DLG2: variants seen among roughly 807,000 people sequenced by gnomAD.
DLG2 encodes the protein discs large MAGUK scaffold protein 2.
DLG2 carries 45 observed loss-of-function variants against 132.5 expected under a neutral mutation model. The observed-to-expected ratio is 0.34, with a 90% confidence interval of 0.27 to 0.44. The LOEUF is 0.44. DLG2 is among the 20% of genes least tolerant of loss of function. The probability of loss-of-function intolerance (pLI) is 1.00; values close to 1 mark genes in which losing one functional copy is unlikely to be tolerated. For missense variants in DLG2, 1,045 were observed against 1,196.9 expected (o/e 0.87, Z 1.87); for synonymous variants, 424 against 419.6 (o/e 1.01, Z -0.13).
chr11:84,600,761 C>T (rs1012220475), intron 6 of DLG2, among the ~76,000 whole-genome samples: 1 of 151,966 alleles, frequency 6.6e-6, no homozygotes, highest in African/African-American at 2.4e-5. Flanking sequence ...TCTTGGATAA[C>T]AACAGTAAAC....
intron 19 of DLG2, among the ~76,000 whole-genome samples, chr11:83,592,370 C>G (rs2097203120): frequency 6.8e-6 from 1 of 147,694 alleles, no homozygotes; most frequent in Non-Finnish European, 1.5e-5. Flanking sequence ...TTTGACAAAC[C>G]TGAGAAAAAC....
rs142633692 is a variant in DLG2, at chr11:84,252,880, G to C, written c.520-1589C>G. ...GGTTTTGGAAAGTGCTCAAATTTTGGGGTATTTCATTAGCTGTGCCCTCTG... is the reference window on the plus strand; with the variant it reads ...GGTTTTGGAAAGTGCTCAAATTTTGCGGTATTTCATTAGCTGTGCCCTCTG... On this transcript the variant is annotated intron_variant, in intron 7 of 27. Transcript: ENST00000376104. 2.4e-3 allele frequency among the ~76,000 whole-genome samples: 365 copies of C among 152,224 alleles called. 1 individual carries two copies. The highest frequency in any genetic ancestry group is 8.2e-3 in the African/African-American group (341 of 41,542).
At chr11:85,052,433 G>T (rs2062994271) in intron 6 of DLG2, among the ~76,000 whole-genome samples, 1 of 152,108 alleles carries the variant, frequency 6.6e-6, no homozygotes, top group South Asian at 2.1e-4. Context: ...GAGAATAGAG[G>T]TTTTCATAAA....
At chr11:84,937,469 T>C (rs1272878577) in intron 6 of DLG2, among the ~76,000 whole-genome samples, 1 of 151,334 alleles carries the variant, frequency 6.6e-6, no homozygotes, top group Admixed American at 6.6e-5. Context: ...TTATAAAAGA[T>C]ATATAAGTCA....
intron 6 of DLG2, among the ~76,000 whole-genome samples, chr11:85,068,181 C>G (rs2065222989): frequency 6.6e-6 from 1 of 151,922 alleles, no homozygotes. Context: ...TATGACAAAC[C>G]CACAGCCAAT....
At position 85,617,799 on chromosome 11, in the gene DLG2, T is replaced by A. The variant is rs997136362; in HGVS notation, c.-93+8788A>T. On this transcript the variant is annotated intron_variant, in intron 2 of 27. Coordinates refer to ENST00000376104, the MANE Select transcript of DLG2 (RefSeq NM_001142699.3). ...TTTAATGATAAAGATGTCACAGTCC[T>A]TCAAAATGATAAGCCCCTGATAGAA... 3.3e-5 allele frequency among the ~76,000 whole-genome samples: 5 copies of A among 152,288 alleles called. No individual in the cohort carries two copies. The East Asian group carries it at 7.7e-4, about 23-fold the overall frequency.
chr11:85,513,374 A>G (rs1410556022), intron 3 of DLG2, among the ~76,000 whole-genome samples: 1 of 152,048 alleles, frequency 6.6e-6, no homozygotes, highest in Non-Finnish European at 1.5e-5. Flanking sequence ...AGTTTTTAAT[A>G]TGAACCAAAA....
chr11:85,093,276 T>A (rs1272233589), intron 6 of DLG2, among the ~76,000 whole-genome samples: 2 of 150,930 alleles, frequency 1.3e-5, no homozygotes, highest in South Asian at 4.2e-4. Flanking sequence ...GCAGAAGTCA[T>A]ACACAATTCA....
At chr11:85,124,217 A>G (rs760618221) in intron 5 of DLG2, among the ~76,000 whole-genome samples, 5 of 152,256 alleles carry the variant, frequency 3.3e-5, no homozygotes, top group Non-Finnish European at 7.3e-5. Context: ...AGACCTTCAC[A>G]AAGGTGATCC....
chr11:84,856,910 T>C (rs1412315043), intron 6 of DLG2, among the ~76,000 whole-genome samples: 1 of 151,892 alleles, frequency 6.6e-6, no homozygotes, highest in Non-Finnish European at 1.5e-5. Context: ...AAACAAGTAA[T>C]ATGAAGAAGT....
At chr11:84,098,829 C>A (rs749636504) in intron 10 of DLG2, 94 bp downstream of exon 10, 17 of 1,442,414 alleles carry the variant, frequency 1.2e-5, no homozygotes, top group Non-Finnish European at 1.6e-5. Context: ...AAGTACAGAA[C>A]TTTTGTAGAA....
chr11:84,004,898 A>AT (rs34001238), intron 11 of DLG2, among the ~76,000 whole-genome samples: 63,088 of 143,824 alleles, frequency 0.44, 14,860 homozygotes, highest in Middle Eastern at 0.58. Context: ...TACCAGAGTC[A>AT]TTTTTTTTTA....
intron 6 of DLG2, among the ~76,000 whole-genome samples, chr11:85,057,186 G>A (rs1011085027): frequency 9.9e-5 from 15 of 151,170 alleles, no homozygotes; most frequent in East Asian, 3.9e-4. Flanking sequence ...AATAAAGCCC[G>A]GATATAGTTG....
chr11:84,533,802 A>T lies in DLG2; in HGVS notation c.519+768T>A, dbSNP rs2099348477. 2.0e-5 allele frequency among the ~76,000 whole-genome samples: 3 copies of T among 150,808 alleles called. No individual in the cohort carries two copies. The South Asian group carries it at 6.3e-4, about 31-fold the overall frequency. On this transcript the variant is annotated intron_variant, in intron 7 of 27. Coordinates refer to ENST00000376104, the MANE Select transcript of DLG2 (RefSeq NM_001142699.3). The stretch of plus-strand genomic sequence containing the variant: ...TAGGTGCTTTTATTTTTTCCATTTC[A>T]ATTCTGTTATTTCAGCCATATTCTG...
intron 19 of DLG2, among the ~76,000 whole-genome samples, chr11:83,551,531 A>G (rs1022759092): frequency 6.6e-6 from 1 of 152,212 alleles, no homozygotes; most frequent in African/African-American, 2.4e-5. Flanking sequence ...TGACATTTAC[A>G]CACCACAATA....
intron 6 of DLG2, among the ~76,000 whole-genome samples, chr11:84,991,831 G>A: frequency 6.6e-6 from 1 of 152,216 alleles, no homozygotes; most frequent in East Asian, 1.9e-4. Context: ...TTTAATTAAA[G>A]CTGTTATATG....
intron 18 of DLG2, chr11:83,651,789 T>A: frequency 2.1e-6 from 1 of 470,116 alleles, no homozygotes; most frequent in Non-Finnish European, 4.4e-6. Flanking sequence ...TAAATCCTGT[T>A]TCCAAAACAC....
intron 8 of DLG2, among the ~76,000 whole-genome samples, chr11:84,219,042 G>A (rs958458155): frequency 6.6e-6 from 1 of 152,014 alleles, no homozygotes; most frequent in Admixed American, 6.6e-5. Context: ...CATACTTCAG[G>A]GAAAACACAT....
In DLG2 at chr11:83,736,578, C is replaced by T. The variant is rs187114767; in HGVS notation, c.1825+50112G>A. On this transcript the variant is annotated intron_variant, in intron 18 of 27. Coordinates refer to ENST00000376104, the MANE Select transcript of DLG2 (RefSeq NM_001142699.3). ...AAGTCCTATTTTTCTCTGCTGACAG[C>T]GCTGGTTAATAAATAAAACAGAGGC... Among the ~76,000 whole-genome samples the T allele has an allele frequency of 2.8e-3, 426 of 152,180 alleles. 2 individuals carry two copies. Among genetic ancestry groups the T allele is most frequent in the South Asian group, 3.3e-3 (16 of 4,816 alleles).
Sources: allele counts gnomAD v4.1 joint callset (sites outside exome capture counted in the v4.1 genomes callset), GRCh38; gene constraint gnomAD v4.1.1; transcripts MANE v1.5; gene names NCBI Gene and HGNC (gene_info 2026-07-23, HGNC 2026-07-21).